HGF: variants seen among roughly 807,000 people sequenced by gnomAD.
The protein encoded by HGF is hepatocyte growth factor, also known as fibroblast-derived tumor cytotoxic factor.
In HGF, 39 loss-of-function variants were observed where a neutral mutation model predicts 111.6. That is an observed-to-expected ratio of 0.35 (90% CI 0.27 to 0.46). HGF has a LOEUF of 0.46. Among genes scored for constraint, HGF ranks in the 20% least tolerant of loss-of-function variants. HGF has a pLI of 1.00. For missense variants in HGF, 735 were observed against 910.5 expected (o/e 0.81, Z 2.48); for synonymous variants, 285 against 294.8 (o/e 0.97, Z 0.34).
In HGF at chr7:81,745,365, G is replaced by T. The variant is rs549183998; in HGVS notation, c.626-245C>A. On this transcript the variant is annotated intron_variant, in intron 5 of 17. Coordinates refer to ENST00000222390, the MANE Select transcript of HGF (RefSeq NM_000601.6). ...TCACACAGATTTACTATAGGGCCAC[G>T]ACGCTGTCTATCTATTTTTTCAATA... is the stretch of plus-strand genomic sequence containing the variant. Among the ~76,000 whole-genome samples the T allele has an allele frequency of 4.6e-5, 7 of 152,236 alleles. No individual in the cohort carries two copies. In the South Asian group the frequency reaches 1.5e-3, roughly 32 times the overall value.
chr7:81,750,310 G>A (rs1357614433), intron 5 of HGF, among the ~76,000 whole-genome samples: 1 of 152,060 alleles, frequency 6.6e-6, no homozygotes, highest in Non-Finnish European at 1.5e-5. Context: ...AACCTACAGG[G>A]CAGATGTTGG....
intron 14 of HGF, among the ~76,000 whole-genome samples, chr7:81,706,787 G>A (rs1789438632): frequency 6.6e-6 from 1 of 151,826 alleles, no homozygotes; most frequent in African/African-American, 2.4e-5. Context: ...TGGTAACAGG[G>A]GTTGAAGTTT....
intron 4 of HGF, chr7:81,756,015 A>G (rs1174385203): frequency 2.9e-6 from 2 of 701,718 alleles, no homozygotes; most frequent in African/African-American, 3.5e-5. Context: ...TGTGTCCCCA[A>G]AATGGAATAG....
At chr7:81,722,322 C>A (rs1789885274) in intron 9 of HGF, among the ~76,000 whole-genome samples, 1 of 151,550 alleles carries the variant, frequency 6.6e-6, no homozygotes, top group African/African-American at 2.4e-5. Flanking sequence ...CATCACCACA[C>A]CTGGCTAATT....
intron 11 of HGF, among the ~76,000 whole-genome samples, chr7:81,712,520 TA>T (rs1789599460): frequency 6.6e-6 from 1 of 152,234 alleles, no homozygotes; most frequent in South Asian, 2.1e-4. Flanking sequence ...TAATTCTAAT[TA>T]AAACCTGTAG....
intron 4 of HGF, chr7:81,755,482 G>A (rs1788719827): frequency 6.6e-6 from 1 of 152,220 alleles, no homozygotes; most frequent in African/African-American, 2.4e-5. Flanking sequence ...TGGTAAAAGA[G>A]CTGATTGGAC....
At chr7:81,708,327 C>A (rs979806024) in intron 13 of HGF, among the ~76,000 whole-genome samples, 4 of 152,022 alleles carry the variant, frequency 2.6e-5, no homozygotes, top group Non-Finnish European at 5.9e-5. Flanking sequence ...GTACTCTAAT[C>A]TGATGGAAAA....
At chr7:81,738,780 T>C (rs1787915689) in intron 7 of HGF, among the ~76,000 whole-genome samples, 1 of 152,206 alleles carries the variant, frequency 6.6e-6, no homozygotes. Context: ...GAATTTTCTA[T>C]CTTGTTATAG....
chr7:81,741,377 TC>T (rs1787994784), intron 7 of HGF, among the ~76,000 whole-genome samples: 1 of 152,146 alleles, frequency 6.6e-6, no homozygotes, highest in Admixed American at 6.5e-5. Flanking sequence ...ACTAGCCAGC[TC>T]CTTTTTGGAC....
intron 8 of HGF, among the ~76,000 whole-genome samples, chr7:81,728,151 T>C (rs1466085123): frequency 6.6e-6 from 1 of 152,236 alleles, no homozygotes; most frequent in African/African-American, 2.4e-5. Context: ...GGTAAATCAA[T>C]GTCCTGAGAA....
At chr7:81,743,978 C>T (rs1562892968) in intron 6 of HGF, among the ~76,000 whole-genome samples, 1 of 152,176 alleles carries the variant, frequency 6.6e-6, no homozygotes, top group Non-Finnish European at 1.5e-5. Context: ...ACCCCACCTC[C>T]CTTCAAATGA....
chr7:81,742,371 A>G (rs1043105095), intron 7 of HGF, among the ~76,000 whole-genome samples: 1 of 152,226 alleles, frequency 6.6e-6, no homozygotes, highest in African/African-American at 2.4e-5. Context: ...GAAATATATG[A>G]AAATCAATCC....
chr7:81,731,543 A>T (rs994531490), intron 7 of HGF, among the ~76,000 whole-genome samples: 1 of 152,232 alleles, frequency 6.6e-6, no homozygotes, highest in Admixed American at 6.5e-5. Context: ...CAAGTCTTTT[A>T]TAATTTCAAT....
At chr7:81,702,824 T>C (rs1032975575) in intron 17 of HGF, 67 bp from the exon 18 acceptor site, 3 of 1,299,038 alleles carry the variant, frequency 2.3e-6, no homozygotes, top group African/African-American at 1.5e-5. Context: ...AACATAATCA[T>C]ATATAGATTT....
chr7:81,747,578 G>A (rs116100650), intron 5 of HGF, among the ~76,000 whole-genome samples: 1,688 of 152,262 alleles, frequency 0.011, 31 homozygotes, highest in African/African-American at 0.037. Context: ...ATTTTAGAAA[G>A]CAATGAAAGT....
Position 81,769,874 on chromosome 7 carries a change from G to T in HGF, c.88+10C>A. On this transcript the variant is annotated intron_variant, in intron 1 of 17. Coordinates refer to ENST00000222390, the MANE Select transcript of HGF (RefSeq NM_000601.6). ...TAATACTAATAATGAAGAAGAAGAA[G>T]GGAACTAACCTGCATAGGGGATGGC... 1 of 1,552,182 alleles carries T rather than the reference G, an allele frequency of 6.4e-7. No individual in the cohort carries two copies. The highest frequency in any genetic ancestry group is 1.2e-5 in the South Asian group (1 of 84,312).
At position 81,769,718 on chromosome 7, in the gene HGF, G is replaced by A. The variant is rs552610594; in HGVS notation, c.88+166C>T. Reference sequence around the variant, plus strand: ...ATGCTATTCAAACAACAACAAAAAAGAATGTCAAAAAAAGCATAATGAGAG... The same window carrying A: ...ATGCTATTCAAACAACAACAAAAAAAAATGTCAAAAAAAGCATAATGAGAG... On this transcript the variant is annotated intron_variant, in intron 1 of 17. Coordinates refer to ENST00000222390, the MANE Select transcript of HGF (RefSeq NM_000601.6). Among the ~76,000 whole-genome samples, 10 of 151,530 alleles carry A rather than the reference G, an allele frequency of 6.6e-5. No homozygotes were observed. The South Asian group carries it at 1.3e-3, about 19-fold the overall frequency.
At chr7:81,735,955 C>A (rs1379544588) in intron 7 of HGF, among the ~76,000 whole-genome samples, 3 of 152,046 alleles carry the variant, frequency 2.0e-5, no homozygotes, top group African/African-American at 7.2e-5. Flanking sequence ...ACTCTCATGA[C>A]CTCATTTAAC....
intron 9 of HGF, among the ~76,000 whole-genome samples, chr7:81,722,412 G>A (rs926559265): frequency 2.0e-5 from 3 of 151,546 alleles, no homozygotes; most frequent in Admixed American, 6.6e-5. Flanking sequence ...TGATCCGCCC[G>A]CCTCGGACTT....
Sources: allele counts gnomAD v4.1 joint callset (sites outside exome capture counted in the v4.1 genomes callset), GRCh38; gene constraint gnomAD v4.1.1; transcripts MANE v1.5; gene names NCBI Gene and HGNC (gene_info 2026-07-23, HGNC 2026-07-21).